The following ST3GAL3 variants were observed in gnomAD, a reference collection of about 807,000 sequenced individuals.
ST3GAL3 encodes CMP-N-acetylneuraminate-beta-1,4-galactoside alpha-2,3-sialyltransferase.
ST3GAL3 carries 21 observed loss-of-function variants against 50.1 expected under a neutral mutation model. That is an observed-to-expected ratio of 0.42 (90% CI 0.30 to 0.60). The LOEUF (loss-of-function observed/expected upper bound fraction) is 0.60. ST3GAL3 is among the 20% of genes least tolerant of loss of function. The pLI is 0.19. For synonymous variants in ST3GAL3, 183 were observed against 190.0 expected (o/e 0.96, Z 0.30); for missense variants, 353 against 489.4 (o/e 0.72, Z 2.63).
intron 2 of ST3GAL3, among the ~76,000 whole-genome samples, chr1:43,778,844 TCAC>T (rs1698324768): frequency 6.6e-6 from 1 of 152,038 alleles, no homozygotes; most frequent in Admixed American, 6.5e-5. Flanking sequence ...AGGCAGGGTT[TCAC>T]CATGTTAGCC....
Position 43,899,535 on chromosome 1 carries a change from C to T in ST3GAL3, c.558-6C>T. ...CCCAGGCTCTGAGTGGGCCTGCTCT[C>T]TGTAGACTGAATTCAGCACCAGTGA... On this transcript the variant is annotated splice_region_variant and splice_polypyrimidine_tract_variant and intron_variant, in intron 8 of 11. Transcript: ENST00000347631. This position sits in a 1 kb window ranked among gnomAD's most constrained non-coding sequence, Gnocchi z 5.4. 6.2e-7 allele frequency: 1 copy of T among 1,612,110 alleles called. No individual in the cohort carries two copies. The highest frequency in any genetic ancestry group is 1.1e-5 in the South Asian group (1 of 91,084).
chr1:43,773,082 A>C (rs1695921892), intron 2 of ST3GAL3, among the ~76,000 whole-genome samples: 1 of 152,132 alleles, frequency 6.6e-6, no homozygotes, highest in Admixed American at 6.5e-5. Context: ...CACTCTATTT[A>C]TGAATTTCCT....
intron 1 of ST3GAL3, among the ~76,000 whole-genome samples, chr1:43,728,744 A>T (rs1234683313): frequency 1.3e-5 from 2 of 152,088 alleles, no homozygotes; most frequent in Non-Finnish European, 1.5e-5. Context: ...GAAACTGTTT[A>T]AAAAAAATTA....
intron 2 of ST3GAL3, among the ~76,000 whole-genome samples, chr1:43,761,950 CAAAAAAAAAAAAAAAA>C (rs67747915): frequency 1.5e-5 from 1 of 68,880 alleles, no homozygotes; most frequent in Non-Finnish European, 2.4e-5. Flanking sequence ...CACTCTGTCT[CAAAAAAAAAAAAAAAA>C]AAAAAAAAAA....
chr1:43,920,732 C>T (rs374293899), intron 10 of ST3GAL3, 50 bp from the exon 11 acceptor site: 1 of 1,613,716 alleles, frequency 6.2e-7, no homozygotes, highest in Admixed American at 1.7e-5. Flanking sequence ...TGTCCCAGCC[C>T]TCCAGCTGAA....
intron 1 of ST3GAL3, among the ~76,000 whole-genome samples, chr1:43,717,514 T>A (rs2154067160): frequency 6.6e-6 from 1 of 151,964 alleles, no homozygotes; most frequent in African/African-American, 2.4e-5. Flanking sequence ...TTTTTTTTTT[T>A]TTGAGGTGGG....
At position 43,732,981 on chromosome 1, in the gene ST3GAL3, T is replaced by C. The variant is rs1441662516; in HGVS notation, c.-30-3252T>C. 1.8e-4 allele frequency among the ~76,000 whole-genome samples: 3 copies of C among 16,274 alleles called. No individual in the cohort carries two copies. The East Asian group carries it at 8.0e-3, about 43-fold the overall frequency. 10.7% of individuals were successfully genotyped at this position (16,274 alleles called of 152,430 possible). A position where few individuals can be genotyped will look rare whatever the true frequency, so the allele number is the denominator to read the frequency against. Reference sequence around the variant, plus strand: ...GTACTTGTGACTTCATAAAAAATACTTTTTTTTTTTTTTTTAAGAGACAGC... The same window carrying C: ...GTACTTGTGACTTCATAAAAAATACCTTTTTTTTTTTTTTTAAGAGACAGC... On this transcript the variant is annotated intron_variant, in intron 1 of 11. Transcript: ENST00000347631.
intron 4 of ST3GAL3, among the ~76,000 whole-genome samples, chr1:43,823,841 G>A (rs2062423368): frequency 6.6e-6 from 1 of 152,226 alleles, no homozygotes; most frequent in South Asian, 2.1e-4. Flanking sequence ...AAATGATATA[G>A]AAGGGATAAG....
At chr1:43,797,950 T>G (rs560840741) in intron 3 of ST3GAL3, among the ~76,000 whole-genome samples, 189 of 152,300 alleles carry the variant, frequency 1.2e-3, no homozygotes, top group Non-Finnish European at 2.1e-3. Flanking sequence ...AATGAGCAGT[T>G]GAAAACCAAA....
intron 2 of ST3GAL3, among the ~76,000 whole-genome samples, chr1:43,759,065 GCACACACACACACACA>G (rs1553285693): frequency 2.4e-4 from 18 of 75,452 alleles, no homozygotes; most frequent in Non-Finnish European, 3.8e-4. Context: ...AAAAGCGCGC[GCACACACACACACACA>G]CACACACACA....
chr1:43,761,950 C>CAAA (rs67747915), intron 2 of ST3GAL3, among the ~76,000 whole-genome samples: 25 of 68,846 alleles, frequency 3.6e-4, no homozygotes, highest in African/African-American at 1.3e-3. Flanking sequence ...CACTCTGTCT[C>CAAA]AAAAAAAAAA....
chr1:43,752,285 A>G (rs1572132753), intron 2 of ST3GAL3, among the ~76,000 whole-genome samples: 1 of 152,220 alleles, frequency 6.6e-6, no homozygotes, highest in East Asian at 1.9e-4. Context: ...TCACACTGGT[A>G]AAGTGGGGAC....
intron 5 of ST3GAL3, among the ~76,000 whole-genome samples, chr1:43,852,798 G>A (rs920601144): frequency 1.3e-5 from 2 of 152,204 alleles, no homozygotes; most frequent in Non-Finnish European, 2.9e-5. Context: ...AAAAGTCTGA[G>A]CCTTATTTCA....
chr1:43,899,198 CA>C lies in ST3GAL3; in HGVS notation c.494del (p.Asn165MetfsTer21). Reference protein sequence around the residue: ...LRCRRCIIVGNGGVLANKSLG... With the variant: ...LRCRRCIIVGXGGVLANKSLG... The stretch of plus-strand genomic sequence containing the variant: ...GCTGCCGCCGCTGCATCATCGTGGG[CA>C]ATGGAGGCGTTCTTGCCAACAAGTC... On this transcript the variant is annotated frameshift_variant, in exon 8 of 12. Transcript: ENST00000347631. LOFTEE classifies it high-confidence loss of function. The surrounding 1 kb of genome is among the most constrained non-coding windows in gnomAD (Gnocchi z 5.4). The C allele has an allele frequency of 1.9e-6, 3 of 1,614,200 alleles. No homozygotes were observed. Among genetic ancestry groups the C allele is most frequent in the Non-Finnish European group, 2.5e-6 (3 of 1,180,040 alleles).
intron 5 of ST3GAL3, among the ~76,000 whole-genome samples, chr1:43,877,501 C>G (rs2428853): frequency 0.23 from 35,558 of 151,918 alleles, 5,137 homozygotes; most frequent in African/African-American, 0.4. Context: ...GAAGAAAAGA[C>G]AGATGGAATA....
At chr1:43,734,457 A>G (rs1350321339) in intron 1 of ST3GAL3, among the ~76,000 whole-genome samples, 1 of 151,324 alleles carries the variant, frequency 6.6e-6, no homozygotes, top group East Asian at 1.9e-4. Context: ...GATGCACACT[A>G]CTAGGCCTGG....
chr1:43,795,827 A>G (rs2058624957), intron 3 of ST3GAL3, among the ~76,000 whole-genome samples: 1 of 152,184 alleles, frequency 6.6e-6, no homozygotes, highest in South Asian at 2.1e-4. Flanking sequence ...TAGCAGACAG[A>G]TAGGGGAAGA....
chr1:43,886,241 C>T (rs897955045), intron 5 of ST3GAL3, among the ~76,000 whole-genome samples: 1 of 152,066 alleles, frequency 6.6e-6, no homozygotes, highest in South Asian at 2.1e-4. Flanking sequence ...ATTAGCTGGG[C>T]GTGGTGGTGC....
chr1:43,927,635 C>G (rs1040251410), intron 11 of ST3GAL3, among the ~76,000 whole-genome samples: 3 of 152,146 alleles, frequency 2.0e-5, no homozygotes, highest in African/African-American at 7.2e-5. Context: ...CCCTGTAAAA[C>G]CTAATTTCAT....
Sources: gnomAD v4.1 joint callset for allele counts (sites outside exome capture counted in the v4.1 genomes callset) on GRCh38, gnomAD v4.1.1 for gene constraint, Gnocchi (gnomAD v3.1) non-coding constraint, MANE v1.5 for transcripts, NCBI Gene and HGNC (gene_info 2026-07-23, HGNC 2026-07-21) for gene names.